The following CACNA2D3 variants were observed in gnomAD, a reference collection of about 807,000 sequenced individuals.
The protein encoded by CACNA2D3 is calcium voltage-gated channel auxiliary subunit alpha2delta 3.
CACNA2D3 carries 60 observed loss-of-function variants against 160.6 expected under a neutral mutation model. The ratio of observed to expected loss-of-function variants is 0.37; its 90% CI spans 0.30 to 0.46. The LOEUF is 0.46. Ranked by LOEUF, CACNA2D3 falls within the 20% of genes least tolerant of loss-of-function variation. The pLI, the probability that CACNA2D3 is intolerant of heterozygous loss-of-function variation, is 1.00. For synonymous variants in CACNA2D3, 558 were observed against 492.9 expected, an observed-to-expected ratio of 1.13 and a Z score of -1.75; for missense variants, 1,205 against 1,365.0, an observed-to-expected ratio of 0.88 and a Z score of 1.85.
At chr3:54,881,363 G>A (rs1398556944) in intron 21 of CACNA2D3, among the ~76,000 whole-genome samples, 3 of 152,198 alleles carry the variant, frequency 2.0e-5, no homozygotes. Context: ...GGCCCAAAGG[G>A]AAATGTGACC....
At chr3:54,915,601 G>A (rs1700644513) in intron 27 of CACNA2D3, among the ~76,000 whole-genome samples, 2 of 152,048 alleles carry the variant, frequency 1.3e-5, no homozygotes, top group African/African-American at 2.4e-5. Context: ...ATAATTTGTG[G>A]TTCTCACAGA....
At chr3:54,284,301 AAAAAAATT>A (rs761815652) in intron 2 of CACNA2D3, among the ~76,000 whole-genome samples, 45 of 151,634 alleles carry the variant, frequency 3.0e-4, no homozygotes, top group Middle Eastern at 6.8e-3. Flanking sequence ...TAAAAAAATT[AAAAAAATT>A]AAATAAAATG....
At chr3:54,594,548 C>T (rs1251270992) in intron 9 of CACNA2D3, among the ~76,000 whole-genome samples, 2 of 152,146 alleles carry the variant, frequency 1.3e-5, no homozygotes, top group African/African-American at 4.8e-5. Context: ...CATTTCAACT[C>T]TTTTGGCAAA....
intron 2 of CACNA2D3, among the ~76,000 whole-genome samples, chr3:54,255,388 A>G (rs112773735): frequency 0.019 from 2,966 of 152,366 alleles, 34 homozygotes; most frequent in Middle Eastern, 0.044. Flanking sequence ...CAAAGAACAG[A>G]ATGAAATGCG....
intron 9 of CACNA2D3, among the ~76,000 whole-genome samples, chr3:54,604,030 CTTTTAT>C (rs1036749974): frequency 3.9e-5 from 6 of 152,032 alleles, no homozygotes; most frequent in Admixed American, 3.9e-4. Context: ...CTTCTAGGGT[CTTTTAT>C]TTTTTATTTT....
At chr3:54,975,521 CAAA>C (rs55819960) in intron 29 of CACNA2D3, among the ~76,000 whole-genome samples, 18,824 of 77,748 alleles carry the variant, frequency 0.24, 1,638 homozygotes, top group East Asian at 0.46. Flanking sequence ...ACTTGGTCTC[CAAA>C]AAAAAAAAAA....
intron 2 of CACNA2D3, among the ~76,000 whole-genome samples, chr3:54,236,950 G>A (rs1008574948): frequency 2.0e-5 from 3 of 151,846 alleles, no homozygotes; most frequent in African/African-American, 4.8e-5. Flanking sequence ...ACTCAGCACA[G>A]TAGTTGGTAC....
intron 2 of CACNA2D3, among the ~76,000 whole-genome samples, chr3:54,248,492 A>AAAAAAG (rs1305888904): frequency 2.0e-5 from 3 of 151,646 alleles, no homozygotes; most frequent in South Asian, 2.1e-4. Flanking sequence ...AAAAAAAAAA[A>AAAAAAG]AAAAAGAAAA....
At chr3:54,847,875 C>CA (rs35758087) in intron 17 of CACNA2D3, among the ~76,000 whole-genome samples, 20,653 of 152,166 alleles carry the variant, frequency 0.14, 1,561 homozygotes, top group South Asian at 0.21. Flanking sequence ...GTTTGCGTGA[C>CA]AGAGTTTGGA....
chr3:54,460,903 G>C (rs1467004479), intron 4 of CACNA2D3, among the ~76,000 whole-genome samples: 2 of 152,152 alleles, frequency 1.3e-5, no homozygotes, highest in African/African-American at 4.8e-5. Flanking sequence ...TGTGATATCG[G>C]CTGTGGGTTT....
chr3:55,024,147 AG>A (rs1243016245), intron 35 of CACNA2D3, among the ~76,000 whole-genome samples: 1 of 143,020 alleles, frequency 7.0e-6, no homozygotes, highest in Non-Finnish European at 1.5e-5. Context: ...CAATGGGTTC[AG>A]AATGTGAGTT....
intron 4 of CACNA2D3, among the ~76,000 whole-genome samples, chr3:54,467,346 T>A (rs1418275975): frequency 6.6e-6 from 1 of 152,154 alleles, no homozygotes; most frequent in Non-Finnish European, 1.5e-5. Flanking sequence ...AATACATCAA[T>A]GCTGCCTGAA....
intron 3 of CACNA2D3, 21 bp from the exon 4 acceptor site, chr3:54,386,694 G>GTT (rs62967361): frequency 0.036 from 48,720 of 1,366,540 alleles, 159 homozygotes; most frequent in African/African-American, 0.074. Context: ...GCTGTCTTCT[G>GTT]TTTTTTTTTT....
At chr3:54,988,165 A>G (rs1462581648) in intron 31 of CACNA2D3, among the ~76,000 whole-genome samples, 1 of 152,222 alleles carries the variant, frequency 6.6e-6, no homozygotes, top group Admixed American at 6.5e-5. Flanking sequence ...GAAAGGTGGT[A>G]TTTAGAGACT....
intron 31 of CACNA2D3, among the ~76,000 whole-genome samples, chr3:54,988,710 A>G (rs977429891): frequency 2.0e-5 from 3 of 152,254 alleles, no homozygotes; most frequent in Non-Finnish European, 4.4e-5. Context: ...CAGACTTTTA[A>G]GCTAGTCAAC....
intron 2 of CACNA2D3, among the ~76,000 whole-genome samples, chr3:54,284,146 T>G (rs934190020): frequency 6.8e-4 from 104 of 152,322 alleles, no homozygotes; most frequent in African/African-American, 2.4e-3. Context: ...TTTAAATGGT[T>G]AAAATATTTA....
At chr3:54,728,488 C>G (rs1165692639) in intron 11 of CACNA2D3, among the ~76,000 whole-genome samples, 1 of 152,102 alleles carries the variant, frequency 6.6e-6, no homozygotes, top group Non-Finnish European at 1.5e-5. Flanking sequence ...ATTTTAGAGT[C>G]TGTGCCTGTC....
At chr3:54,803,424 AGGAGCCGATGTGAT>A (rs1355027436) in intron 13 of CACNA2D3, among the ~76,000 whole-genome samples, 1 of 152,240 alleles carries the variant, frequency 6.6e-6, no homozygotes, top group Non-Finnish European at 1.5e-5. Flanking sequence ...CAGAAGCCTC[AGGAGCCGATGTGAT>A]CAACTGGAAG....
chr3:54,459,205 T>C (rs1700454193), intron 4 of CACNA2D3, among the ~76,000 whole-genome samples: 1 of 152,096 alleles, frequency 6.6e-6, no homozygotes, highest in Admixed American at 6.6e-5. Flanking sequence ...AAGTCTTTGC[T>C]ATTGTGGATA....
Sources: gnomAD v4.1 joint callset for allele counts (sites outside exome capture counted in the v4.1 genomes callset) on GRCh38, gnomAD v4.1.1 for gene constraint, MANE v1.5 for transcripts, NCBI Gene and HGNC (gene_info 2026-07-23, HGNC 2026-07-21) for gene names.